ELP1: variants seen among roughly 807,000 people sequenced by gnomAD.
ELP1 encodes elongator acetyltransferase complex subunit 1, also known as elongator complex protein 1.
Under a neutral mutation model 183.2 loss-of-function variants are expected in ELP1, and 131 were observed. That is an observed-to-expected ratio of 0.72 (90% CI 0.62 to 0.83). The LOEUF (loss-of-function observed/expected upper bound fraction) is 0.83. Among genes scored for constraint, ELP1 ranks in the 40% least tolerant of loss-of-function variants. The pLI is 0.00. For missense variants in ELP1, 1,550 were observed against 1,594.9 expected (o/e 0.97, Z 0.48); for synonymous variants, 555 against 569.0 (o/e 0.98, Z 0.35).
chr9:108,896,544 G>A lies in ELP1; in HGVS notation c.2688C>T (p.Gly896=). ...TGAGGACCAAATCAAAGTCATAGGTGCCAAGAGAATGATCATATAATTCAT... is the reference window on the plus strand; with the variant it reads ...TGAGGACCAAATCAAAGTCATAGGTACCAAGAGAATGATCATATAATTCAT... ...DVNELYDHSL[G]TYDFDLVLMV... is the part of the protein sequence containing the mutation. The change falls in exon 25 of 37, where the codon GGC becomes GGT. Residue 896 remains glycine, a synonymous_variant. Coordinates refer to ENST00000374647, the MANE Select transcript of ELP1 (RefSeq NM_003640.5). The A allele has an allele frequency of 4.3e-6, 7 of 1,614,086 alleles. No individual in the cohort carries two copies. The highest frequency in any genetic ancestry group is 5.9e-6 in the Non-Finnish European group (7 of 1,179,920).
At chr9:108,883,207 A>C (rs1188706757) in intron 29 of ELP1, among the ~76,000 whole-genome samples, 1 of 152,212 alleles carries the variant, frequency 6.6e-6, no homozygotes, top group African/African-American at 2.4e-5. Context: ...TCTGTTGTCC[A>C]GGCTGAAGTG....
chr9:108,916,350 A>G, intron 9 of ELP1, 53 bp from the exon 10 acceptor site: 1 of 1,309,274 alleles, frequency 7.6e-7, no homozygotes, highest in Non-Finnish European at 1.1e-6. Flanking sequence ...TTTACTTCCA[A>G]ATCTTTATAA....
At chr9:108,893,158 C>T (rs1478971800) in intron 26 of ELP1, 75 bp from the exon 27 acceptor site, 3 of 992,134 alleles carry the variant, frequency 3.0e-6, no homozygotes, top group African/African-American at 1.6e-5. Context: ...TACCAATGGT[C>T]ACCAAACAAA....
At chr9:108,921,360 T>C (rs1424678744) in intron 6 of ELP1, among the ~76,000 whole-genome samples, 3 of 152,178 alleles carry the variant, frequency 2.0e-5, no homozygotes, top group African/African-American at 7.2e-5. Context: ...TCATATTATA[T>C]GTGATCTTTT....
rs74671462 is a variant in ELP1 at position 108,868,254 on chromosome 9, A to C, written c.*861T>G. 0.03 allele frequency: 4,651 copies of C among 153,130 alleles called. 242 individuals carry two copies. The highest frequency in any genetic ancestry group is 0.11 in the African/African-American group (4,463 of 41,616). 9.5% of individuals were successfully genotyped at this position (153,130 alleles called of 1,614,324 possible). A position where few individuals can be genotyped will look rare whatever the true frequency, so the allele number is the denominator to read the frequency against. On this transcript the variant is annotated 3_prime_UTR_variant, in exon 37 of 37. Transcript: ENST00000374647. ...ATGAAAATAAAATATTCTCATTTTG[A>C]GACAGTTTTTTTTGGTGAGGGCGTG...
At chr9:108,898,187 T>C (rs905914907) in intron 22 of ELP1, among the ~76,000 whole-genome samples, 6 of 152,214 alleles carry the variant, frequency 3.9e-5, no homozygotes, top group African/African-American at 1.4e-4. Flanking sequence ...ATTAAAAAGT[T>C]GAGGGGAAAG....
intron 36 of ELP1, among the ~76,000 whole-genome samples, chr9:108,872,837 A>G (rs1423544923): frequency 7.1e-6 from 1 of 141,772 alleles, no homozygotes; most frequent in Non-Finnish European, 1.5e-5. Flanking sequence ...AAAAAAAAAA[A>G]AACTAGTTAC....
At chr9:108,902,465 T>C (rs112663994) in intron 16 of ELP1, among the ~76,000 whole-genome samples, 33 of 152,342 alleles carry the variant, frequency 2.2e-4, no homozygotes, top group African/African-American at 7.9e-4. Context: ...AGCCACTGCA[T>C]TCTACCATCC....
At chr9:108,877,588 A>C (rs1241179466) in intron 35 of ELP1, among the ~76,000 whole-genome samples, 1 of 152,220 alleles carries the variant, frequency 6.6e-6, no homozygotes, top group Non-Finnish European at 1.5e-5. Context: ...CAAATTTTTC[A>C]TAAAACAAAA....
intron 28 of ELP1, among the ~76,000 whole-genome samples, chr9:108,890,237 G>GT (rs1828273008): frequency 6.6e-6 from 1 of 152,182 alleles, no homozygotes; most frequent in Non-Finnish European, 1.5e-5. Flanking sequence ...CTCGACATTT[G>GT]TAAAAAGAGG....
chr9:108,882,977 A>G (rs1397018160), intron 29 of ELP1, among the ~76,000 whole-genome samples: 2 of 152,168 alleles, frequency 1.3e-5, no homozygotes, highest in African/African-American at 2.4e-5. Context: ...GGATTTGCAA[A>G]TATCTTCTTC....
chr9:108,924,213 G>A (rs1388985439), intron 5 of ELP1, among the ~76,000 whole-genome samples: 53 of 152,154 alleles, frequency 3.5e-4, no homozygotes, highest in Non-Finnish European at 7.4e-5. Flanking sequence ...ACGTTTACTG[G>A]AACATAGATG....
chr9:108,908,402 C>T lies in ELP1; in HGVS notation c.1363G>A (p.Asp455Asn), dbSNP rs1355868839. Reference protein sequence around the residue: ...SNQISVYKCGDCPSADPTVKL... With the variant: ...SNQISVYKCGNCPSADPTVKL... ...ACTGTAGGGTCAGCACTTGGACAAT[C>T]ACCTGGAAAACAAAAATGCAAATAT... The change falls in exon 13 of 37, where the codon GAT becomes AAT. Residue 455 changes from aspartate to asparagine, a missense_variant and splice_region_variant. Coordinates refer to ENST00000374647, the MANE Select transcript of ELP1 (RefSeq NM_003640.5). 1 of 1,613,384 alleles carries T rather than the reference C, an allele frequency of 6.2e-7. No homozygotes were observed. Among genetic ancestry groups the T allele is most frequent in the African/African-American group, 1.3e-5 (1 of 75,034 alleles).
chr9:108,922,757 C>G (rs1587920106), intron 6 of ELP1, 85 bp downstream of exon 6: 1 of 960,992 alleles, frequency 1.0e-6, no homozygotes, highest in Non-Finnish European at 1.7e-6. Flanking sequence ...TTACTGGCAT[C>G]TAAGTGGACA....
Position 108,929,840 on chromosome 9 carries a change from G to A in ELP1, c.232C>T (p.Leu78=). ...SGRIVGVQDL[L]DQESVCVATA... ...GCCACACACACAGACTCCTGATCCA[G>A]CAAGTCCTGAACACCAACAATGCGG... The change falls in exon 3 of 37, where the codon CTG becomes TTG. Residue 78 remains leucine (L), a synonymous_variant. Transcript: ENST00000374647. 6.2e-7 allele frequency: 1 copy of A among 1,613,956 alleles called. No individual in the cohort carries two copies. The highest frequency in any genetic ancestry group is 8.5e-7 in the Non-Finnish European group (1 of 1,180,014).
At chr9:108,877,477 T>C (rs1827745364) in intron 35 of ELP1, among the ~76,000 whole-genome samples, 1 of 152,174 alleles carries the variant, frequency 6.6e-6, no homozygotes, top group Non-Finnish European at 1.5e-5. Context: ...GAGGTATAAA[T>C]AATAAACAGA....
At position 108,883,728 on chromosome 9, in the gene ELP1, A is replaced by G. The variant is rs1828017879; in HGVS notation, c.3223-1541T>C. Reference sequence around the variant, plus strand: ...CGATTATCTGAAGATATGGTCAGTTAATGATATTTATTATAAATCCTACAG... The same window carrying G: ...CGATTATCTGAAGATATGGTCAGTTGATGATATTTATTATAAATCCTACAG... On this transcript the variant is annotated intron_variant, in intron 29 of 36. Coordinates refer to ENST00000374647, the MANE Select transcript of ELP1 (RefSeq NM_003640.5). Among the ~76,000 whole-genome samples the G allele has an allele frequency of 1.3e-5, 2 of 152,328 alleles. 1 individual carries two copies. Among genetic ancestry groups the G allele is most frequent in the South Asian group, 4.1e-4 (2 of 4,830 alleles).
intron 12 of ELP1, among the ~76,000 whole-genome samples, chr9:108,909,992 T>C (rs1401815121): frequency 2.0e-5 from 3 of 152,130 alleles, no homozygotes; most frequent in South Asian, 2.1e-4. Context: ...AACCATTGAA[T>C]TGTACACTTT....
intron 18 of ELP1, among the ~76,000 whole-genome samples, 169 bp from the exon 19 acceptor site, chr9:108,900,544 C>G (rs149529575): frequency 6.6e-6 from 1 of 152,222 alleles, no homozygotes; most frequent in Non-Finnish European, 1.5e-5. Flanking sequence ...TGAACACGCT[C>G]ATCCCTGGAA....
Sources: gnomAD v4.1 joint callset for allele counts (sites outside exome capture counted in the v4.1 genomes callset) on GRCh38, gnomAD v4.1.1 for gene constraint, MANE v1.5 for transcripts, NCBI Gene and HGNC (gene_info 2026-07-23, HGNC 2026-07-21) for gene names.